The following KIF1A variants were observed in gnomAD, a reference collection of about 807,000 sequenced individuals.
KIF1A encodes the protein kinesin-like protein KIF1A.
A neutral mutation model predicts 227.3 loss-of-function variants in KIF1A; 46 were observed. The observed-to-expected ratio is 0.20, with a 90% confidence interval of 0.16 to 0.26. The LOEUF (loss-of-function observed/expected upper bound fraction) is 0.26. Among genes scored for constraint, KIF1A ranks in the 10% least tolerant of loss-of-function variants. The pLI is 1.00. For synonymous variants in KIF1A, 1,022 were observed against 1,012.8 expected (o/e 1.01, Z -0.17); for missense variants, 1,683 against 2,485.9 (o/e 0.68, Z 6.87).
chr2:240,720,549 G>T (rs778939840), intron 45 of KIF1A: 1 of 180,070 alleles, frequency 5.6e-6, no homozygotes, highest in Admixed American at 5.4e-5. Context: ...ACCTGCAGGG[G>T]CCAGGTGTCC....
rs1033201395 is a variant in KIF1A, at chr2:240,761,085, T to C, written c.2265+144A>G. 5.6e-6 allele frequency: 6 copies of C among 1,072,446 alleles called. No homozygotes were observed. In the African/African-American group the frequency reaches 7.9e-5, roughly 14 times the overall value. The allele number at this position is 1,072,446 out of a possible 1,614,324, so 66.4% of individuals were successfully genotyped here. ...TGGGCTCCCTCACTGCCCACCCTTCTGGGGGGCCAGGTCAGGCAGGGCTGC... is the reference window on the plus strand; with the variant it reads ...TGGGCTCCCTCACTGCCCACCCTTCCGGGGGGCCAGGTCAGGCAGGGCTGC... On this transcript the variant is annotated intron_variant, in intron 24 of 48. Transcript: ENST00000498729.
intron 12 of KIF1A, among the ~76,000 whole-genome samples, chr2:240,773,500 C>A (rs1296274535): frequency 2.6e-5 from 4 of 152,182 alleles, no homozygotes; most frequent in Admixed American, 2.6e-4. Flanking sequence ...TTCCCGCTCG[C>A]CCACTTGGGG....
rs1417856257 is a variant in KIF1A at position 240,812,405 on chromosome 2, G to A, written c.-61+7717C>T. 5.9e-5 allele frequency among the ~76,000 whole-genome samples: 9 copies of A among 152,328 alleles called. No individual in the cohort carries two copies. In the East Asian group the frequency reaches 1.7e-3, roughly 29 times the overall value. On this transcript the variant is annotated intron_variant, in intron 1 of 48. Transcript: ENST00000498729. ...AGCTGCTGGAGAGGCCCATGCTGCA[G>A]AGCATCGCACAGGCATCCGCCTGGA... is the stretch of plus-strand genomic sequence containing the variant.
intron 37 of KIF1A, among the ~76,000 whole-genome samples, chr2:240,738,546 G>A (rs1414655260): frequency 1.3e-5 from 2 of 152,206 alleles, no homozygotes; most frequent in Non-Finnish European, 2.9e-5. Flanking sequence ...CCCAGAAAGT[G>A]ACTTGGCTGC....
chr2:240,758,285 G>C lies in KIF1A; in HGVS notation c.2582+75C>G, dbSNP rs1418739041. ...CAGGGCCGCTCCTTGTATCAGGCCA[G>C]GGCCCACTCCTACCCCCACTGCCAT... On this transcript the variant is annotated intron_variant, in intron 26 of 48. Transcript: ENST00000498729. The surrounding 1 kb of genome is among the most constrained non-coding windows in gnomAD (Gnocchi z 5.2). 4 of 1,512,556 alleles carry C rather than the reference G, an allele frequency of 2.6e-6. No homozygotes were observed. Among genetic ancestry groups the C allele is most frequent in the Admixed American group, 1.9e-5 (1 of 52,468 alleles). 93.7% of individuals were successfully genotyped at this position (1,512,556 alleles called of 1,614,324 possible). A position where few individuals can be genotyped will look rare whatever the true frequency, so the allele number is the denominator to read the frequency against.
At position 240,745,848 on chromosome 2, in the gene KIF1A, C is replaced by T. The variant is rs374238759; in HGVS notation, c.3264G>A (p.Leu1088=). Reference sequence around the variant, plus strand: ...GGCGGAGGTGGTCCAGGGCAGCATCCAGGGGCCCATCCAGGGCGGCTTTCT... The same window carrying T: ...GGCGGAGGTGGTCCAGGGCAGCATCTAGGGGCCCATCCAGGGCGGCTTTCT... ...SSEKAALDGP[L]DAALDHLRLG... is the part of the protein sequence containing the mutation. The change falls in exon 31 of 49, where the codon CTG becomes CTA. Residue 1088 remains leucine (L), a synonymous_variant. Coordinates refer to ENST00000498729, the MANE Select transcript of KIF1A (RefSeq NM_001244008.2). The T allele has an allele frequency of 1.3e-5, 21 of 1,612,502 alleles. No homozygotes were observed. In the African/African-American group the frequency reaches 2.7e-4, roughly 21 times the overall value.
chr2:240,745,681 A>G (rs919992889), intron 31 of KIF1A, 57 bp downstream of exon 31: 4 of 1,573,558 alleles, frequency 2.5e-6, no homozygotes, highest in African/African-American at 1.4e-5. Flanking sequence ...CAGGCACGGG[A>G]GCCTTGGGCA....
At chr2:240,785,535 G>A (rs920020791) in intron 6 of KIF1A, among the ~76,000 whole-genome samples, 3 of 152,174 alleles carry the variant, frequency 2.0e-5, no homozygotes, top group Non-Finnish European at 2.9e-5. Context: ...CATGGGTCTC[G>A]GCAGGGTCCT....
intron 38 of KIF1A, chr2:240,728,538 C>T (rs1022465904): frequency 1.6e-5 from 9 of 554,964 alleles, no homozygotes; most frequent in African/African-American, 7.8e-5. Context: ...CCGGATCTCA[C>T]GGCCCCCAGG....
At position 240,788,046 on chromosome 2, in the gene KIF1A, C is replaced by CG; in HGVS notation, c.363+4dup. The CG allele has an allele frequency of 8.5e-7, 1 of 1,173,788 alleles. No homozygotes were observed. Among genetic ancestry groups the CG allele is most frequent in the Non-Finnish European group, 1.2e-6 (1 of 827,388 alleles). 72.7% of individuals were successfully genotyped at this position (1,173,788 alleles called of 1,614,324 possible). A position where few individuals can be genotyped will look rare whatever the true frequency, so the allele number is the denominator to read the frequency against. ...GGCTGCCCCCGCCCGCCCCCCGCTT[C>CG]GTGCCTGTGGGATGATGCCCTGCTG... On this transcript the variant is annotated splice_donor_region_variant and intron_variant, in intron 4 of 48. Transcript: ENST00000498729. This position sits in a 1 kb window ranked among gnomAD's most constrained non-coding sequence, Gnocchi z 6.6.
chr2:240,818,709 T>A (rs1443799022), intron 1 of KIF1A: 1 of 152,468 alleles, frequency 6.6e-6, no homozygotes, highest in East Asian at 1.9e-4. Context: ...TGGCATGGCT[T>A]CCCTGGCAAA....
chr2:240,768,461 G>T (rs1258413318), intron 17 of KIF1A, among the ~76,000 whole-genome samples: 13 of 152,246 alleles, frequency 8.5e-5, no homozygotes. Context: ...TGGACACACA[G>T]GTGTCTGTCC....
rs1240417985 is a variant in KIF1A, at chr2:240,760,788, T to G, written c.2321A>C (p.Asp774Ala). The change falls in exon 25 of 49, where the codon GAC becomes GCC. Residue 774 changes from aspartate to alanine, a missense_variant. This residue lies in a region of KIF1A where 759 missense variants were observed against 1,020.2 expected (regional missense o/e 0.74). Coordinates refer to ENST00000498729, the MANE Select transcript of KIF1A (RefSeq NM_001244008.2). Reference protein sequence around the residue: ...TDTLYSPLPPDLLPPEAAKDR... With the variant: ...TDTLYSPLPPALLPPEAAKDR... ...TTTGGCGGCCTCTGGGGGCAGCAGG[T>G]CGGGTGGCAGAGGGGAGTAGAGTGT... 1 of 1,604,248 alleles carries G rather than the reference T, an allele frequency of 6.2e-7. No homozygotes were observed. The highest frequency in any genetic ancestry group is 1.7e-5 in the Admixed American group (1 of 58,218).
chr2:240,745,675 C>T, intron 31 of KIF1A, 63 bp downstream of exon 31: 5 of 1,564,774 alleles, frequency 3.2e-6, no homozygotes, highest in Non-Finnish European at 4.3e-6. Context: ...AGCACCCAGG[C>T]ACGGGAGCCT....
chr2:240,817,849 G>T (rs1559553438), intron 1 of KIF1A, among the ~76,000 whole-genome samples: 1 of 152,210 alleles, frequency 6.6e-6, no homozygotes, highest in Non-Finnish European at 1.5e-5. Flanking sequence ...GGGCATGGTG[G>T]GCCCAAGGTC....
At chr2:240,767,388 G>C in intron 17 of KIF1A, 43 bp from the exon 18 acceptor site, 1 of 1,521,650 alleles carries the variant, frequency 6.6e-7, no homozygotes, top group Non-Finnish European at 9.1e-7. Context: ...AGAGGGGCAG[G>C]AGCCTGATGC....
chr2:240,737,648 A>C (rs2047501749), intron 37 of KIF1A: 1 of 154,656 alleles, frequency 6.5e-6, no homozygotes, highest in Non-Finnish European at 1.4e-5. Flanking sequence ...TCTGTGCCAT[A>C]AAACCTCTTC....
intron 28 of KIF1A, among the ~76,000 whole-genome samples, chr2:240,748,199 T>C (rs775031627): frequency 1.3e-5 from 2 of 152,234 alleles, no homozygotes; most frequent in Non-Finnish European, 2.9e-5. Flanking sequence ...GCTGTGGACC[T>C]GGGCACACAG....
chr2:240,719,953 A>C (rs1352404435), intron 45 of KIF1A, 27 bp from the exon 46 acceptor site: 1 of 1,563,270 alleles, frequency 6.4e-7, no homozygotes, highest in Non-Finnish European at 8.6e-7. Flanking sequence ...AGTGCTGCCC[A>C]CTGCAGGCCT....
Sources: allele counts gnomAD v4.1 joint callset (sites outside exome capture counted in the v4.1 genomes callset), GRCh38; gene constraint gnomAD v4.1.1; regional missense constraint gnomAD v4.1.1; non-coding constraint Gnocchi (gnomAD v3.1); transcripts MANE v1.5; gene names NCBI Gene and HGNC (gene_info 2026-07-23, HGNC 2026-07-21).